Variants in CTNNA3 observed in about 807,000 individuals in gnomAD.
CTNNA3 encodes catenin alpha-3.
In CTNNA3, 76 loss-of-function variants were observed where a neutral mutation model predicts 95.7. The observed-to-expected ratio is 0.79, with a 90% CI of 0.66 to 0.96. The LOEUF is 0.96. Among genes scored for constraint, CTNNA3 ranks in the 40% least tolerant of loss-of-function variants. The pLI, the probability that CTNNA3 is intolerant of heterozygous loss-of-function variation, is 0.00. For missense variants in CTNNA3, 1,191 were observed against 1,089.8 expected (o/e 1.09, Z -1.31); for synonymous variants, 431 against 374.4 (o/e 1.15, Z -1.74).
intron 10 of CTNNA3, among the ~76,000 whole-genome samples, chr10:66,589,340 T>C (rs1266139215): frequency 2.6e-5 from 4 of 152,096 alleles, no homozygotes; most frequent in African/African-American, 7.2e-5. Context: ...ATTCTTCTAT[T>C]TCACTTTGAT....
At position 67,206,158 on chromosome 10, in the gene CTNNA3, T is replaced by C. The variant is rs145367384; in HGVS notation, c.843+13449A>G. 1.4e-3 allele frequency among the ~76,000 whole-genome samples: 214 copies of C among 152,312 alleles called. 4 individuals carry two copies. Among genetic ancestry groups the C allele is most frequent in the African/African-American group, 5.1e-3 (210 of 41,576 alleles). On this transcript the variant is annotated intron_variant, in intron 6 of 17. Transcript: ENST00000433211. The stretch of plus-strand genomic sequence containing the variant: ...AGTGAACAGAGACAGTTATTCAAAT[T>C]ACCAGGTGAGTTTAGGATGAACTAT...
At chr10:67,725,903 A>AATTATATATTGTATATAATATATATT in intron 1 of CTNNA3, among the ~76,000 whole-genome samples, 1 of 140,414 alleles carries the variant, frequency 7.1e-6, no homozygotes, top group South Asian at 2.2e-4. Context: ...TAATATATAT[A>AATTATATATTGTATATAATATATATT]ATTATATATT....
At chr10:67,030,734 G>A (rs900921322) in intron 7 of CTNNA3, among the ~76,000 whole-genome samples, 4 of 152,104 alleles carry the variant, frequency 2.6e-5, no homozygotes, top group Admixed American at 6.6e-5. Context: ...GGTCAGATGC[G>A]GTGGCTCACG....
At chr10:67,397,347 C>T (rs1413728108) in intron 5 of CTNNA3, among the ~76,000 whole-genome samples, 3 of 152,114 alleles carry the variant, frequency 2.0e-5, no homozygotes, top group Admixed American at 6.5e-5. Context: ...AGAGGAGGAA[C>T]TTTTTGGGAA....
At chr10:66,613,264 C>T (rs535903052) in intron 10 of CTNNA3, among the ~76,000 whole-genome samples, 1 of 152,046 alleles carries the variant, frequency 6.6e-6, no homozygotes, top group Non-Finnish European at 1.5e-5. Context: ...GTTTCTTCTG[C>T]CAGGACACAC....
rs11497951 is a variant in CTNNA3, at chr10:67,229,679, A to G, written c.580-9809T>C. On this transcript the variant is annotated intron_variant, in intron 5 of 17. Coordinates refer to ENST00000433211, the MANE Select transcript of CTNNA3 (RefSeq NM_013266.4). Reference sequence around the variant, plus strand: ...GCTCTTCTATACACCAACAGTGACCAAGTGGAGAATCAAATCAAGAACTCA... The same window carrying G: ...GCTCTTCTATACACCAACAGTGACCGAGTGGAGAATCAAATCAAGAACTCA... 5.2e-3 allele frequency among the ~76,000 whole-genome samples: 796 copies of G among 152,338 alleles called. 4 individuals carry two copies. The highest frequency in any genetic ancestry group is 0.018 in the African/African-American group (758 of 41,572).
chr10:66,746,860 A>AGT lies in CTNNA3; in HGVS notation c.1281+19402_1281+19403dup, dbSNP rs57102717. 3.4e-3 allele frequency among the ~76,000 whole-genome samples: 518 copies of AGT among 150,550 alleles called. 2 individuals carry two copies. Among genetic ancestry groups the AGT allele is most frequent in the African/African-American group, 7.5e-3 (310 of 41,198 alleles). ...TTTCTATGTTGCCAAAAATGGATGCAGTGTGTGTGTGTGTGTGTGTGTGTG... is the reference window on the plus strand; with the variant it reads ...TTTCTATGTTGCCAAAAATGGATGCAGTGTGTGTGTGTGTGTGTGTGTGTGTG... On this transcript the variant is annotated intron_variant, in intron 9 of 17. Transcript: ENST00000433211.
At chr10:66,123,406 T>A (rs1038577706) in intron 13 of CTNNA3, among the ~76,000 whole-genome samples, 11 of 152,138 alleles carry the variant, frequency 7.2e-5, no homozygotes, top group African/African-American at 2.7e-4. Context: ...TCCCTGTGGC[T>A]TTGCAGGGTA....
At chr10:67,619,683 C>T (rs1330415635) in intron 2 of CTNNA3, among the ~76,000 whole-genome samples, 1 of 152,182 alleles carries the variant, frequency 6.6e-6, no homozygotes, top group South Asian at 2.1e-4. Flanking sequence ...AGGTTAGACA[C>T]ATTTTATTTC....
chr10:67,521,150 G>A (rs149156350), intron 5 of CTNNA3, among the ~76,000 whole-genome samples: 2,115 of 152,284 alleles, frequency 0.014, 23 homozygotes, highest in South Asian at 0.035. Flanking sequence ...AACTGGAGCA[G>A]ATTCAGCCTA....
intron 7 of CTNNA3, among the ~76,000 whole-genome samples, chr10:67,108,354 A>T (rs953784917): frequency 2.0e-5 from 3 of 152,136 alleles, no homozygotes; most frequent in Non-Finnish European, 4.4e-5. Flanking sequence ...ATTAAGTTAC[A>T]GTTACCTCTG....
At chr10:67,582,916 A>G (rs987504209) in intron 3 of CTNNA3, among the ~76,000 whole-genome samples, 2 of 151,828 alleles carry the variant, frequency 1.3e-5, no homozygotes, top group Non-Finnish European at 2.9e-5. Context: ...TGCTTGGTAG[A>G]TCTTCCTCCA....
chr10:66,751,045 G>A (rs529432374), intron 9 of CTNNA3, among the ~76,000 whole-genome samples: 10 of 152,072 alleles, frequency 6.6e-5, no homozygotes, highest in African/African-American at 1.2e-4. Context: ...CAAGGCGGGC[G>A]GATCACAAGG....
At chr10:66,100,802 A>T (rs1014861891) in intron 14 of CTNNA3, among the ~76,000 whole-genome samples, 3 of 152,184 alleles carry the variant, frequency 2.0e-5, no homozygotes, top group African/African-American at 7.2e-5. Flanking sequence ...ATCGTATATA[A>T]TGTGGAAATT....
intron 12 of CTNNA3, among the ~76,000 whole-genome samples, chr10:66,318,284 G>A (rs1380318731): frequency 2.6e-4 from 39 of 150,332 alleles, no homozygotes; most frequent in South Asian, 4.3e-4. Context: ...ATATGTGTGT[G>A]TGTGTGTGTG....
intron 11 of CTNNA3, among the ~76,000 whole-genome samples, chr10:66,496,938 C>T (rs146278769): frequency 6.6e-6 from 1 of 152,216 alleles, no homozygotes; most frequent in Non-Finnish European, 1.5e-5. Flanking sequence ...TGAGGTCTCT[C>T]TCCTTGACTG....
chr10:67,036,275 C>CTT (rs373402264), intron 7 of CTNNA3, among the ~76,000 whole-genome samples: 2 of 145,542 alleles, frequency 1.4e-5, no homozygotes, highest in African/African-American at 2.5e-5. Flanking sequence ...CCACACCCAG[C>CTT]TTTTTTTTTT....
At chr10:66,025,503 A>G (rs10740218) in intron 15 of CTNNA3, among the ~76,000 whole-genome samples, 3 of 151,958 alleles carry the variant, frequency 2.0e-5, no homozygotes, top group Non-Finnish European at 2.9e-5. Context: ...AGCCCTGAAT[A>G]CTGTTGGAAG....
intron 7 of CTNNA3, among the ~76,000 whole-genome samples, chr10:66,916,976 T>A (rs1172253256): frequency 6.6e-6 from 1 of 152,206 alleles, no homozygotes; most frequent in Non-Finnish European, 1.5e-5. Flanking sequence ...AGAAAGGGAT[T>A]TTTCTGGCCA....
Sources: gnomAD v4.1 joint callset for allele counts (sites outside exome capture counted in the v4.1 genomes callset) on GRCh38, gnomAD v4.1.1 for gene constraint, MANE v1.5 for transcripts, NCBI Gene and HGNC (gene_info 2026-07-23, HGNC 2026-07-21) for gene names.